Variants in GLT1D1 observed in about 807,000 individuals in gnomAD.
The protein encoded by GLT1D1 is glycosyltransferase 1 domain containing 1.
GLT1D1 carries 21 observed loss-of-function variants against 28.7 expected under a neutral mutation model. The ratio of observed to expected loss-of-function variants is 0.73; its 90% confidence interval spans 0.52 to 1.05. GLT1D1 has a LOEUF of 1.05. Ranked by LOEUF, GLT1D1 falls within the 50% of genes least tolerant of loss-of-function variation. The pLI is 0.00. For missense variants in GLT1D1, 343 were observed against 330.6 expected, an observed-to-expected ratio of 1.04 and a Z score of -0.29; for synonymous variants, 147 against 124.8, an observed-to-expected ratio of 1.18 and a Z score of -1.19.
intron 7 of GLT1D1, among the ~76,000 whole-genome samples, chr12:128,982,334 C>A (rs889364665): frequency 6.6e-6 from 1 of 152,186 alleles, no homozygotes; most frequent in African/African-American, 2.4e-5. Context: ...CCCAAGGCCA[C>A]ACAGCAAAGT....
At chr12:128,875,493 C>T (rs561453769) in intron 1 of GLT1D1, among the ~76,000 whole-genome samples, 5 of 152,234 alleles carry the variant, frequency 3.3e-5, no homozygotes, top group Middle Eastern at 3.4e-3. Context: ...TTGTGGAATT[C>T]ATTTAAAATC....
intron 1 of GLT1D1, among the ~76,000 whole-genome samples, chr12:128,875,054 T>TG (rs1555261797): frequency 4.2e-5 from 6 of 143,800 alleles, no homozygotes; most frequent in African/African-American, 1.5e-4. Flanking sequence ...GACATAAATA[T>TG]TGTGTGTGTG....
At chr12:128,857,835 C>T (rs923384394) in intron 1 of GLT1D1, among the ~76,000 whole-genome samples, 2 of 152,192 alleles carry the variant, frequency 1.3e-5, no homozygotes, top group Non-Finnish European at 2.9e-5. Context: ...TAAAGCAACA[C>T]CCCATCTATA....
intron 1 of GLT1D1, among the ~76,000 whole-genome samples, chr12:128,874,064 CTTTCT>C (rs1956776678): frequency 5.5e-4 from 15 of 27,158 alleles, no homozygotes; most frequent in Non-Finnish European, 7.7e-4. Context: ...TCCCTCCTTT[CTTTCT>C]TTCTTTCTTT....
Position 128,983,528 on chromosome 12 carries a change from G to T in GLT1D1, c.*438G>T, listed in dbSNP as rs533392883. The T allele has an allele frequency of 1.9e-4, 31 of 162,256 alleles. No individual in the cohort carries two copies. Among genetic ancestry groups the T allele is most frequent in the Non-Finnish European group, 3.7e-4 (27 of 73,482 alleles). 10.1% of individuals were successfully genotyped at this position (162,256 alleles called of 1,614,324 possible). On this transcript the variant is annotated 3_prime_UTR_variant, in exon 8 of 8. Transcript: ENST00000281703. The surrounding 1 kb of genome is among the most constrained non-coding windows in gnomAD (Gnocchi z 4.7). ...AGGCAAAAGCAAAACAGACGTGTCAGCTGAGCCGAGTCCTCGCAGGATTTT... is the reference window on the plus strand; with the variant it reads ...AGGCAAAAGCAAAACAGACGTGTCATCTGAGCCGAGTCCTCGCAGGATTTT...
rs868671722 is a variant in GLT1D1 at position 128,926,230 on chromosome 12, A to G, written c.376-19096A>G. ...TAATAATAATAATAATAATAATAAT[A>G]ATAATAAGAGTAGGAGAAGCTGGCC... On this transcript the variant is annotated intron_variant, in intron 4 of 7. Transcript: ENST00000281703. The G allele has an allele frequency of 2.2e-3, 534 of 244,840 alleles. 3 individuals are homozygous for G. Among genetic ancestry groups the G allele is most frequent in the African/African-American group, 0.012 (497 of 42,402 alleles). The allele number at this position is 244,840 out of a possible 1,614,324, so 15.2% of individuals were successfully genotyped here. A position where few individuals can be genotyped will look rare whatever the true frequency, so the allele number is the denominator to read the frequency against.
intron 4 of GLT1D1, among the ~76,000 whole-genome samples, chr12:128,943,136 G>C (rs776292465): frequency 6.6e-6 from 1 of 152,150 alleles, no homozygotes; most frequent in South Asian, 2.1e-4. Context: ...AACAGGTATC[G>C]ATTTCTTGGA....
intron 1 of GLT1D1, among the ~76,000 whole-genome samples, chr12:128,859,564 CT>C (rs1477823233): frequency 6.6e-6 from 1 of 152,124 alleles, no homozygotes; most frequent in Non-Finnish European, 1.5e-5. Context: ...AAGAGTGACC[CT>C]GCTCCACATG....
intron 7 of GLT1D1, among the ~76,000 whole-genome samples, chr12:128,970,187 T>C (rs539248621): frequency 3.0e-4 from 46 of 152,256 alleles, no homozygotes; most frequent in Admixed American, 7.2e-4. Flanking sequence ...AGGACCCCGG[T>C]GGGCTGCAGC....
At chr12:128,897,169 T>C (rs1310889357) in intron 3 of GLT1D1, among the ~76,000 whole-genome samples, 1 of 152,210 alleles carries the variant, frequency 6.6e-6, no homozygotes, top group Admixed American at 6.5e-5. Context: ...TCACTTTTCC[T>C]CACATTTTAT....
intron 4 of GLT1D1, among the ~76,000 whole-genome samples, chr12:128,902,838 T>C: frequency 6.7e-6 from 1 of 149,910 alleles, no homozygotes. Flanking sequence ...AGGTCAAGAG[T>C]TCAAGACCAG....
intron 1 of GLT1D1, among the ~76,000 whole-genome samples, chr12:128,857,795 G>T (rs1469676386): frequency 6.6e-6 from 1 of 152,152 alleles, no homozygotes; most frequent in African/African-American, 2.4e-5. Flanking sequence ...AAAAAAGAAG[G>T]GGTTCTATTC....
intron 6 of GLT1D1, among the ~76,000 whole-genome samples, chr12:128,955,648 C>A (rs934969551): frequency 6.6e-6 from 1 of 152,062 alleles, no homozygotes; most frequent in Non-Finnish European, 1.5e-5. Flanking sequence ...AGGTCCTGGT[C>A]AGTTGTCCTT....
rs1345740687 is a variant in GLT1D1, at chr12:128,974,096, T to C, written c.640-8833T>C. On this transcript the variant is annotated intron_variant, in intron 7 of 7. Transcript: ENST00000281703. ...CCAGGTGACCTGGGCTCCCATCTCT[T>C]GATCTGTGCGTGTGGAGGGGGAGAG... Among the ~76,000 whole-genome samples, 3 of 152,168 alleles carry C rather than the reference T, an allele frequency of 2.0e-5. No homozygotes were observed. In the East Asian group the frequency reaches 5.8e-4, roughly 29 times the overall value.
intron 7 of GLT1D1, among the ~76,000 whole-genome samples, chr12:128,960,641 T>G (rs1877839196): frequency 1.3e-5 from 2 of 151,818 alleles, no homozygotes; most frequent in African/African-American, 2.4e-5. Context: ...CATGTAATCC[T>G]GGCTACATGG....
At chr12:128,874,138 CTTTCTT>C (rs1956811581) in intron 1 of GLT1D1, among the ~76,000 whole-genome samples, 1 of 78,688 alleles carries the variant, frequency 1.3e-5, no homozygotes, top group African/African-American at 4.4e-5. Context: ...TTCTTTCTTT[CTTTCTT>C]TCTTTCTTTC....
intron 6 of GLT1D1, among the ~76,000 whole-genome samples, chr12:128,956,373 A>G (rs1185140521): frequency 6.6e-6 from 1 of 152,032 alleles, no homozygotes; most frequent in Non-Finnish European, 1.5e-5. Context: ...ATATTATTGG[A>G]TACTGTACTC....
intron 4 of GLT1D1, among the ~76,000 whole-genome samples, chr12:128,914,473 A>G (rs1412887346): frequency 6.6e-6 from 1 of 152,086 alleles, no homozygotes; most frequent in Non-Finnish European, 1.5e-5. Flanking sequence ...TCAGTGACAC[A>G]CTCAGAGCAT....
chr12:128,931,055 G>A (rs57073011), intron 4 of GLT1D1, among the ~76,000 whole-genome samples: 42,545 of 150,542 alleles, frequency 0.28, 7,075 homozygotes, highest in Non-Finnish European at 0.36. Context: ...AGGCTGGAGC[G>A]CAATGGCGTG....
Sources: gnomAD v4.1 joint callset for allele counts (sites outside exome capture counted in the v4.1 genomes callset) on GRCh38, gnomAD v4.1.1 for gene constraint, Gnocchi (gnomAD v3.1) non-coding constraint, MANE v1.5 for transcripts, NCBI Gene and HGNC (gene_info 2026-07-23, HGNC 2026-07-21) for gene names.